Variants in NBL1 observed in about 807,000 individuals in gnomAD.
NBL1 encodes NBL1, DAN family BMP antagonist.
In NBL1, 9 loss-of-function variants were observed where a neutral mutation model predicts 16.0. The ratio of observed to expected loss-of-function variants is 0.56; its 90% CI spans 0.34 to 0.98. The LOEUF is 0.98. Among genes scored for constraint, NBL1 ranks in the 50% least tolerant of loss-of-function variants. The probability of loss-of-function intolerance (pLI) is 0.02; values close to 1 mark genes in which losing one functional copy is unlikely to be tolerated. For missense variants in NBL1, 196 were observed against 243.1 expected (o/e 0.81, Z 1.29); for synonymous variants, 86 against 100.7 (o/e 0.85, Z 0.87).
In NBL1 at chr1:19,645,432, C is replaced by T. The variant is rs768335523; in HGVS notation, c.-20+986C>T. ...CTTGGCGTGGCCGGAGGTTGGCGGGCATCAAGGGAGAAAGCCACACTTCCA... is the reference window on the plus strand; with the variant it reads ...CTTGGCGTGGCCGGAGGTTGGCGGGTATCAAGGGAGAAAGCCACACTTCCA... On this transcript the variant is annotated intron_variant, in intron 1 of 3. Coordinates refer to ENST00000375136, the MANE Select transcript of NBL1 (RefSeq NM_005380.8). 512 of 988,564 alleles carry T rather than the reference C, an allele frequency of 5.2e-4. 2 individuals are homozygous for T. The highest frequency in any genetic ancestry group is 5.9e-4 in the Non-Finnish European group (493 of 831,722). 61.2% of individuals were successfully genotyped at this position (988,564 alleles called of 1,614,324 possible).
At chr1:19,646,892 T>C (rs546403014) in intron 1 of NBL1, among the ~76,000 whole-genome samples, 1 of 152,320 alleles carries the variant, frequency 6.6e-6, no homozygotes, top group African/African-American at 2.4e-5. Context: ...TTTCCCTAAA[T>C]CCAGTTTCAC....
At chr1:19,644,186 C>T, upstream of NBL1, 1 of 980,076 alleles carries the variant, frequency 1.0e-6, no homozygotes, top group South Asian at 4.7e-5. The surrounding 1 kb of genome is among the most constrained non-coding windows in gnomAD (Gnocchi z 4.6). Context: ...GAGGGAGAGG[C>T]CGCGCGCGCC....
chr1:19,651,457 C>T (rs374241864), intron 1 of NBL1, among the ~76,000 whole-genome samples: 60 of 152,224 alleles, frequency 3.9e-4, no homozygotes, highest in African/African-American at 1.1e-3. Flanking sequence ...CCCAGCCTGA[C>T]GCTGATAACC....
intron 1 of NBL1, among the ~76,000 whole-genome samples, chr1:19,652,958 A>C (rs1192607800): frequency 6.6e-6 from 1 of 151,310 alleles, no homozygotes. Context: ...ATGACACTCC[A>C]GCCTGGGCGA....
rs200072488 is a variant in NBL1 at position 19,655,030 on chromosome 1, C to T, written c.-1C>T. ...GTTCTAGGGCTCTGGAGGCCACGGGCATGATGCTTCGGGTCCTGGTGGGGG... is the reference window on the plus strand; with the variant it reads ...GTTCTAGGGCTCTGGAGGCCACGGGTATGATGCTTCGGGTCCTGGTGGGGG... On this transcript the variant is annotated 5_prime_UTR_variant, in exon 2 of 4. Transcript: ENST00000375136. The T allele has an allele frequency of 9.7e-5, 156 of 1,605,956 alleles. No homozygotes were observed. The highest frequency in any genetic ancestry group is 4.1e-4 in the Middle Eastern group (2 of 4,906).
At chr1:19,645,849 CT>C (rs1417292273) in intron 1 of NBL1, 1 of 1,502,888 alleles carries the variant, frequency 6.7e-7, no homozygotes, top group East Asian at 2.5e-5. Context: ...AAATTTCAGG[CT>C]GAGTTTAGCT....
intron 1 of NBL1, chr1:19,645,442 G>T: frequency 1.0e-6 from 1 of 989,530 alleles, no homozygotes. Context: ...CATCAAGGGA[G>T]AAAGCCACAC....
intron 1 of NBL1, among the ~76,000 whole-genome samples, chr1:19,650,700 G>T (rs2095018537): frequency 6.6e-6 from 1 of 151,824 alleles, no homozygotes; most frequent in Admixed American, 6.6e-5. Flanking sequence ...TCTGGGTGAG[G>T]CTCTCAAGGC....
At chr1:19,643,772 C>A, upstream of NBL1, 1 of 1,020,044 alleles carries the variant, frequency 9.8e-7, no homozygotes. The surrounding 1 kb of genome is among the most constrained non-coding windows in gnomAD (Gnocchi z 4.7). Context: ...CGGACTTGAA[C>A]CGGGTCGCAT....
At chr1:19,644,059 C>G (rs2094962256), upstream of NBL1, 4 of 977,796 alleles carry the variant, frequency 4.1e-6, no homozygotes, top group Non-Finnish European at 3.6e-6. The surrounding 1 kb of genome is among the most constrained non-coding windows in gnomAD (Gnocchi z 4.6). Context: ...GGGCGCCGGC[C>G]AGGCGTCCCG....
At position 19,653,630 on chromosome 1, in the gene NBL1, A is replaced by AT. The variant is rs1300637116; in HGVS notation, c.-19-1378dup. 3.3e-5 allele frequency among the ~76,000 whole-genome samples: 5 copies of AT among 152,190 alleles called. No individual in the cohort carries two copies. In the South Asian group the frequency reaches 8.3e-4, roughly 25 times the overall value. On this transcript the variant is annotated intron_variant, in intron 1 of 3. Transcript: ENST00000375136. The stretch of plus-strand genomic sequence containing the variant: ...ACCACTGGCCTGGCTCACTGCACTC[A>AT]TTTTACAGGTGGTGGGGAAACAGGT...
At chr1:19,645,251 G>A in intron 1 of NBL1, 1 of 568,980 alleles carries the variant, frequency 1.8e-6, no homozygotes, top group Non-Finnish European at 2.2e-6. Context: ...GGGGCAGGGA[G>A]AGCCAGCCTT....
At chr1:19,656,605 G>T (rs1478998732) in intron 3 of NBL1, among the ~76,000 whole-genome samples, 2 of 151,942 alleles carry the variant, frequency 1.3e-5, no homozygotes, top group Admixed American at 6.6e-5. Context: ...GGCGGTGGGG[G>T]CGATTTTAGC....
chr1:19,645,407 C>T (rs1381087741), intron 1 of NBL1: 4 of 987,254 alleles, frequency 4.1e-6, no homozygotes, highest in Non-Finnish European at 4.8e-6. Context: ...AGCCGCCTGC[C>T]TTGGCGTGGC....
chr1:19,654,486 G>A (rs956644124), intron 1 of NBL1, among the ~76,000 whole-genome samples: 1 of 152,214 alleles, frequency 6.6e-6, no homozygotes, highest in African/African-American at 2.4e-5. Context: ...AATGGTTGCA[G>A]TAGCTTTCAA....
chr1:19,655,996 G>C (rs1447132032), intron 3 of NBL1, among the ~76,000 whole-genome samples: 1 of 152,102 alleles, frequency 6.6e-6, no homozygotes, highest in Non-Finnish European at 1.5e-5. Flanking sequence ...CCCCTTTCCA[G>C]GCCCCCTGAC....
At chr1:19,649,022 C>T (rs879701225) in intron 1 of NBL1, among the ~76,000 whole-genome samples, 15 of 152,122 alleles carry the variant, frequency 9.9e-5, no homozygotes, top group East Asian at 1.9e-4. Flanking sequence ...GAATGAGAGG[C>T]GCAGTCGGCT....
At position 19,657,149 on chromosome 1, in the gene NBL1, C is replaced by G; in HGVS notation, c.*20C>G. 1 of 1,110,724 alleles carries G rather than the reference C, an allele frequency of 9.0e-7. No homozygotes were observed. The highest frequency in any genetic ancestry group is 1.3e-6 in the Non-Finnish European group (1 of 785,786). The allele number at this position is 1,110,724 out of a possible 1,614,324, so 68.8% of individuals were successfully genotyped here. A position where few individuals can be genotyped will look rare whatever the true frequency, so the allele number is the denominator to read the frequency against. On this transcript the variant is annotated 3_prime_UTR_variant, in exon 4 of 4. Transcript: ENST00000375136. ...GACTGAGGCCCCCCCAACTCTTCCT[C>G]CCCTCTCATCCCCCTGTGGAATGTT...
chr1:19,643,616 A>G, upstream of NBL1: 1 of 1,370,468 alleles, frequency 7.3e-7, no homozygotes, highest in African/African-American at 1.5e-5. The surrounding 1 kb of genome is among the most constrained non-coding windows in gnomAD (Gnocchi z 4.7). Context: ...TCTTCCCAGG[A>G]GTCAGAGAAG....
Sources: gnomAD v4.1 joint callset for allele counts (sites outside exome capture counted in the v4.1 genomes callset) on GRCh38, gnomAD v4.1.1 for gene constraint, Gnocchi (gnomAD v3.1) non-coding constraint, MANE v1.5 for transcripts, NCBI Gene and HGNC (gene_info 2026-07-23, HGNC 2026-07-21) for gene names.